Variants in GRM7 observed in about 807,000 individuals in gnomAD.
The protein encoded by GRM7 is metabotropic glutamate receptor 7.
In GRM7, 35 loss-of-function variants were observed where a neutral mutation model predicts 84.5. The ratio of observed to expected loss-of-function variants is 0.41; its 90% CI spans 0.32 to 0.55. The LOEUF (loss-of-function observed/expected upper bound fraction) is 0.55, where lower values mean the gene tolerates loss of function less well. Among genes scored for constraint, GRM7 ranks in the 20% least tolerant of loss-of-function variants. The probability of loss-of-function intolerance (pLI) is 0.19; values close to 1 mark genes in which losing one functional copy is unlikely to be tolerated. For synonymous variants in GRM7, 487 were observed against 455.1 expected (o/e 1.07, Z -0.89); for missense variants, 1,003 against 1,194.6 (o/e 0.84, Z 2.36).
intron 1 of GRM7, among the ~76,000 whole-genome samples, chr3:6,970,667 T>C (rs1439361847): frequency 6.6e-6 from 1 of 152,002 alleles, no homozygotes; most frequent in African/African-American, 2.4e-5. Flanking sequence ...AGAGACCAGT[T>C]AGGCAGTTCC....
At chr3:7,683,169 C>A (rs1404931512) in intron 9 of GRM7, among the ~76,000 whole-genome samples, 1 of 152,122 alleles carries the variant, frequency 6.6e-6, no homozygotes, top group Non-Finnish European at 1.5e-5. Context: ...GTGGGAGATT[C>A]TTTAAACATA....
rs1288456154 is a variant in GRM7, at chr3:7,723,282, A to T, written c.2699-17075A>T. Among the ~76,000 whole-genome samples the T allele has an allele frequency of 5.3e-5, 8 of 152,114 alleles. No individual in the cohort carries two copies. The East Asian group carries it at 1.4e-3, about 26-fold the overall frequency. ...GTGCTCTCATCTTCGAGATCCCTTT[A>T]TTGCTCCTAATGGAAGGAACTCCTG... On this transcript the variant is annotated intron_variant, in intron 9 of 9. Coordinates refer to ENST00000357716, the MANE Select transcript of GRM7 (RefSeq NM_000844.4).
intron 1 of GRM7, among the ~76,000 whole-genome samples, chr3:6,938,513 G>A (rs1003602968): frequency 2.6e-5 from 4 of 152,108 alleles, no homozygotes; most frequent in Non-Finnish European, 5.9e-5. Context: ...CACCATTAAC[G>A]TGCAAAAGTC....
chr3:7,415,315 G>A (rs1282759992), intron 5 of GRM7, 152 bp downstream of exon 5: 9 of 651,678 alleles, frequency 1.4e-5, no homozygotes, highest in Admixed American at 8.5e-5. Flanking sequence ...AGGAGCATAC[G>A]TCTTGCAGGA....
intron 8 of GRM7, among the ~76,000 whole-genome samples, chr3:7,589,291 G>A (rs999436956): frequency 6.6e-6 from 1 of 152,234 alleles, no homozygotes; most frequent in Non-Finnish European, 1.5e-5. Context: ...ATTAACTGAG[G>A]AGTAAAGAAC....
chr3:7,190,002 A>G (rs1488169624), intron 2 of GRM7, among the ~76,000 whole-genome samples: 7 of 152,150 alleles, frequency 4.6e-5, no homozygotes, highest in Admixed American at 4.6e-4. Flanking sequence ...GCATACATAC[A>G]TACATACATA....
At position 6,878,378 on chromosome 3, in the gene GRM7, C is replaced by CGTGTGTGTGTGT. The variant is rs34132725; in HGVS notation, c.519+16498_519+16509dup. Among the ~76,000 whole-genome samples the CGTGTGTGTGTGT allele has an allele frequency of 1.4e-3, 205 of 142,052 alleles. 2 individuals are homozygous for CGTGTGTGTGTGT. Among genetic ancestry groups the CGTGTGTGTGTGT allele is most frequent in the East Asian group, 0.011 (51 of 4,786 alleles). The allele number at this position is 142,052 out of a possible 152,430, so 93.2% of individuals were successfully genotyped here. A position where few individuals can be genotyped will look rare whatever the true frequency, so the allele number is the denominator to read the frequency against. ...CAAAGGGTGATTTTTTATGTGTTTG[C>CGTGTGTGTGTGT]GTGTGTGTGTGTGTGTGTGTGTGTG... On this transcript the variant is annotated intron_variant, in intron 1 of 9. Coordinates refer to ENST00000357716, the MANE Select transcript of GRM7 (RefSeq NM_000844.4).
chr3:6,997,278 CTT>C (rs1006674359), intron 1 of GRM7, among the ~76,000 whole-genome samples: 17 of 151,990 alleles, frequency 1.1e-4, no homozygotes, highest in African/African-American at 4.1e-4. Context: ...TTAATAGAAA[CTT>C]CGGCTTAATA....
At chr3:7,501,769 C>G (rs1474411425) in intron 7 of GRM7, among the ~76,000 whole-genome samples, 2 of 152,110 alleles carry the variant, frequency 1.3e-5, no homozygotes, top group Non-Finnish European at 2.9e-5. Context: ...TTTGCAATTA[C>G]AGATTGATAC....
rs371412625 is a variant in GRM7, at chr3:7,406,758, G to A, written c.1034-8265G>A. Among the ~76,000 whole-genome samples the A allele has an allele frequency of 1.6e-3, 245 of 152,228 alleles. 1 individual carries two copies. Among genetic ancestry groups the A allele is most frequent in the South Asian group, 9.5e-3 (46 of 4,820 alleles). On this transcript the variant is annotated intron_variant, in intron 4 of 9. Transcript: ENST00000357716. ...CTAATAATTTTTAAAATCACCTAGT[G>A]CTTTAAATGCCTTTTCAAAAATGCA...
At chr3:7,130,670 T>TTC (rs1574942295) in intron 1 of GRM7, among the ~76,000 whole-genome samples, 1 of 151,844 alleles carries the variant, frequency 6.6e-6, no homozygotes, top group Non-Finnish European at 1.5e-5. Flanking sequence ...ACTGATGACC[T>TTC]TCTCTCTCTC....
intron 7 of GRM7, among the ~76,000 whole-genome samples, chr3:7,485,517 T>C (rs1268907601): frequency 6.6e-6 from 1 of 152,220 alleles, no homozygotes; most frequent in African/African-American, 2.4e-5. Context: ...TATTCTGTCA[T>C]TCACGTTATA....
intron 7 of GRM7, among the ~76,000 whole-genome samples, chr3:7,536,049 T>C (rs1357363154): frequency 1.3e-5 from 2 of 152,184 alleles, no homozygotes; most frequent in African/African-American, 2.4e-5. Flanking sequence ...GGAGACAGCA[T>C]ACAAGAATGG....
At chr3:7,036,601 G>A (rs903810206) in intron 1 of GRM7, among the ~76,000 whole-genome samples, 1 of 152,140 alleles carries the variant, frequency 6.6e-6, no homozygotes, top group Admixed American at 6.5e-5. Flanking sequence ...CTTTAACTGT[G>A]AAATTGACAT....
intron 1 of GRM7, among the ~76,000 whole-genome samples, chr3:7,060,282 A>G (rs1697389578): frequency 1.3e-5 from 2 of 151,822 alleles, no homozygotes; most frequent in African/African-American, 2.4e-5. Context: ...GTGGTTTGGT[A>G]TAAAGCTATT....
intron 1 of GRM7, among the ~76,000 whole-genome samples, chr3:6,881,797 A>C (rs1278119152): frequency 6.6e-6 from 1 of 152,184 alleles, no homozygotes; most frequent in African/African-American, 2.4e-5. Flanking sequence ...ACTCAGATGC[A>C]TAGACATGGG....
At chr3:7,652,760 TATAAG>T (rs1266859608) in intron 8 of GRM7, among the ~76,000 whole-genome samples, 14 of 152,348 alleles carry the variant, frequency 9.2e-5, no homozygotes, top group Non-Finnish European at 1.5e-4. Flanking sequence ...TTACAGAAAT[TATAAG>T]ATGACAATAA....
chr3:6,926,985 A>T (rs901310240), intron 1 of GRM7, among the ~76,000 whole-genome samples: 1 of 152,234 alleles, frequency 6.6e-6, no homozygotes, highest in Admixed American at 6.5e-5. Flanking sequence ...TATCATAGTC[A>T]GGTCCATGGA....
chr3:6,883,957 T>G (rs2124968229), intron 1 of GRM7, among the ~76,000 whole-genome samples: 1 of 152,282 alleles, frequency 6.6e-6, no homozygotes, highest in East Asian at 1.9e-4. Context: ...TCTGGAGACA[T>G]GGAACTCCCC....
Sources: gnomAD v4.1 joint callset for allele counts (sites outside exome capture counted in the v4.1 genomes callset) on GRCh38, gnomAD v4.1.1 for gene constraint, MANE v1.5 for transcripts, NCBI Gene and HGNC (gene_info 2026-07-23, HGNC 2026-07-21) for gene names.